The following LEPR variants were observed in gnomAD, a reference collection of about 807,000 sequenced individuals.
LEPR encodes leptin receptor, also known as OB receptor.
In LEPR, 56 loss-of-function variants were observed where a neutral mutation model predicts 114.7. That is an observed-to-expected ratio of 0.49 (90% CI 0.39 to 0.61). The LOEUF (loss-of-function observed/expected upper bound fraction) is 0.61, where lower values mean the gene tolerates loss of function less well. LEPR is among the 20% of genes least tolerant of loss of function. The pLI is 0.00. For synonymous variants in LEPR, 443 were observed against 461.4 expected (o/e 0.96, Z 0.51); for missense variants, 1,202 against 1,352.9 (o/e 0.89, Z 1.75).
intron 1 of LEPR, among the ~76,000 whole-genome samples, chr1:65,422,693 C>T (rs965420035): frequency 2.6e-5 from 4 of 152,198 alleles, no homozygotes; most frequent in African/African-American, 4.8e-5. Flanking sequence ...CGTGACATGG[C>T]GCAGGGCTTA....
At chr1:65,553,836 A>T (rs1472725142) in intron 2 of LEPR, among the ~76,000 whole-genome samples, 1 of 152,018 alleles carries the variant, frequency 6.6e-6, no homozygotes, top group African/African-American at 2.4e-5. Flanking sequence ...CCTCATCTTC[A>T]TGGATTTATC....
intron 2 of LEPR, among the ~76,000 whole-genome samples, chr1:65,554,851 G>A (rs189679733): frequency 6.6e-6 from 1 of 152,246 alleles, no homozygotes; most frequent in Non-Finnish European, 1.5e-5. Context: ...GTAGGCACCC[G>A]AGGGAATCTC....
rs773307282 is a variant in LEPR, at chr1:65,601,602, G to A, written c.1205G>A (p.Arg402Gln). Residue 402 changes from arginine to glutamine, a missense_variant, in exon 9 of 20, where the codon CGA (arginine) becomes CAA (glutamine). Transcript: ENST00000349533. ...TFFNLNETKP[R>Q]GKFTYDAVYC... The stretch of plus-strand genomic sequence containing the variant: ...TTCAATCTGAATGAAACCAAACCTC[G>A]AGGAAAGTTTACCTATGATGCAGTG... The A allele has an allele frequency of 3.7e-6, 6 of 1,613,534 alleles. No individual in the cohort carries two copies. The highest frequency in any genetic ancestry group is 3.3e-5 in the Admixed American group (2 of 59,976).
intron 2 of LEPR, chr1:65,430,246 A>G (rs1218751337): frequency 9.7e-6 from 4 of 411,436 alleles, no homozygotes; most frequent in African/African-American, 2.0e-5. Context: ...TATTTCTCTT[A>G]CAACTTTTAG....
chr1:65,488,288 C>T (rs1301579900), intron 2 of LEPR, among the ~76,000 whole-genome samples: 5 of 132,192 alleles, frequency 3.8e-5, no homozygotes, highest in Non-Finnish European at 7.8e-5. Flanking sequence ...CTTTCCCTCC[C>T]TCTCTCTCTC....
chr1:65,640,178 A>G lies in LEPR; in HGVS notation c.*3163A>G, dbSNP rs537950744. ...ATTTATATTACCTCCTCCAAAACTG[A>G]AAGAAAATAAACTTTAGGCTGTAAG... On this transcript the variant is annotated 3_prime_UTR_variant, in exon 20 of 20. Transcript: ENST00000349533. 3 of 152,262 alleles carry G rather than the reference A, an allele frequency of 2.0e-5. No individual in the cohort carries two copies. The highest frequency in any genetic ancestry group is 7.2e-5 in the African/African-American group (3 of 41,576). 9.4% of individuals were successfully genotyped at this position (152,262 alleles called of 1,614,324 possible).
At chr1:65,446,808 G>A (rs1248231363) in intron 2 of LEPR, among the ~76,000 whole-genome samples, 1 of 152,116 alleles carries the variant, frequency 6.6e-6, no homozygotes, top group Non-Finnish European at 1.5e-5. Flanking sequence ...CTTTGGAAGA[G>A]CAGAAGTTTA....
At chr1:65,529,180 T>C (rs891663731) in intron 2 of LEPR, among the ~76,000 whole-genome samples, 7 of 152,128 alleles carry the variant, frequency 4.6e-5, no homozygotes, top group Non-Finnish European at 8.8e-5. Context: ...ATTATGTTTA[T>C]GAGATTAAGG....
intron 2 of LEPR, among the ~76,000 whole-genome samples, chr1:65,514,833 G>C (rs1570590094): frequency 6.6e-6 from 1 of 152,228 alleles, no homozygotes; most frequent in East Asian, 1.9e-4. Context: ...TATTATTTGA[G>C]CAATTTCTAA....
chr1:65,528,798 A>G (rs897970459), intron 2 of LEPR, among the ~76,000 whole-genome samples: 2 of 152,090 alleles, frequency 1.3e-5, no homozygotes, highest in Admixed American at 6.5e-5. Context: ...TTTTAAAAAA[A>G]GAAAGTTATT....
At chr1:65,588,783 A>G (rs1426562270) in intron 5 of LEPR, among the ~76,000 whole-genome samples, 1 of 152,130 alleles carries the variant, frequency 6.6e-6, no homozygotes, top group Non-Finnish European at 1.5e-5. Flanking sequence ...TGATTGCTGA[A>G]TAGCATTCCA....
intron 2 of LEPR, among the ~76,000 whole-genome samples, chr1:65,465,857 T>C (rs1647005074): frequency 6.6e-6 from 1 of 152,318 alleles, no homozygotes; most frequent in African/African-American, 2.4e-5. Flanking sequence ...TCCCTGCTTT[T>C]TTTTGCTTTC....
chr1:65,567,212 C>T (rs879492781), intron 3 of LEPR, among the ~76,000 whole-genome samples: 10 of 152,122 alleles, frequency 6.6e-5, no homozygotes, highest in Non-Finnish European at 1.3e-4. Context: ...ATAGACTCAT[C>T]TTTTAATTTA....
intron 2 of LEPR, among the ~76,000 whole-genome samples, chr1:65,463,549 A>G (rs1646972934): frequency 6.6e-6 from 1 of 152,086 alleles, no homozygotes; most frequent in Non-Finnish European, 1.5e-5. Context: ...GTTTTTTCCA[A>G]TTCTGTGAAG....
intron 16 of LEPR, among the ~76,000 whole-genome samples, chr1:65,618,927 G>T (rs1424833479): frequency 1.3e-5 from 2 of 152,150 alleles, no homozygotes; most frequent in African/African-American, 4.8e-5. Context: ...CAATGAGTGG[G>T]AATGCTAGCC....
intron 10 of LEPR, among the ~76,000 whole-genome samples, chr1:65,604,176 T>G (rs1303005116): frequency 6.6e-6 from 1 of 152,152 alleles, no homozygotes; most frequent in Non-Finnish European, 1.5e-5. Context: ...AGTATTTATT[T>G]CATTTGCATC....
Position 65,633,296 on chromosome 1 carries a change from G to A in LEPR, c.2674-2895G>A, listed in dbSNP as rs944265492. ...AAAAAAAATTCAGTTGAACTTCTGA[G>A]AGTTAACATATGGTGGATTATGTTG... On this transcript the variant is annotated intron_variant, in intron 19 of 19. Coordinates refer to ENST00000349533, the MANE Select transcript of LEPR (RefSeq NM_002303.6). This position sits in a 1 kb window ranked among gnomAD's most constrained non-coding sequence, Gnocchi z 4.1. 6.6e-7 allele frequency: 1 copy of A among 1,509,566 alleles called. No individual in the cohort carries two copies. The highest frequency in any genetic ancestry group is 1.4e-5 in the African/African-American group (1 of 71,470). 93.5% of individuals were successfully genotyped at this position (1,509,566 alleles called of 1,614,324 possible). A position where few individuals can be genotyped will look rare whatever the true frequency, so the allele number is the denominator to read the frequency against.
At chr1:65,589,225 A>T (rs1655522311) in intron 5 of LEPR, among the ~76,000 whole-genome samples, 1 of 152,058 alleles carries the variant, frequency 6.6e-6, no homozygotes, top group Non-Finnish European at 1.5e-5. Context: ...TTATATGGTG[A>T]AGTGACTGTG....
intron 2 of LEPR, among the ~76,000 whole-genome samples, chr1:65,537,971 TG>T (rs1469408987): frequency 1.3e-5 from 2 of 152,196 alleles, no homozygotes; most frequent in African/African-American, 4.8e-5. Context: ...TTCTTTCAAA[TG>T]GATTATTTAA....
Sources: gnomAD v4.1 joint callset for allele counts (sites outside exome capture counted in the v4.1 genomes callset) on GRCh38, gnomAD v4.1.1 for gene constraint, Gnocchi (gnomAD v3.1) non-coding constraint, MANE v1.5 for transcripts, NCBI Gene and HGNC (gene_info 2026-07-23, HGNC 2026-07-21) for gene names.